ADARB2: variants seen among roughly 807,000 people sequenced by gnomAD.
ADARB2 encodes the protein inactive double-stranded RNA-specific editase B2.
ADARB2 carries 25 observed loss-of-function variants against 62.2 expected under a neutral mutation model. The observed-to-expected ratio is 0.40, with a 90% CI of 0.29 to 0.56. The LOEUF (loss-of-function observed/expected upper bound fraction) is 0.56, where lower values mean the gene tolerates loss of function less well. ADARB2 is among the 20% of genes least tolerant of loss of function. The pLI, the probability that ADARB2 is intolerant of heterozygous loss-of-function variation, is 0.43. For synonymous variants in ADARB2, 572 were observed against 500.8 expected (o/e 1.14, Z -1.90); for missense variants, 1,071 against 1,077.4 (o/e 0.99, Z 0.08).
intron 4 of ADARB2, among the ~76,000 whole-genome samples, chr10:1,257,897 A>G (rs1263249041): frequency 6.6e-6 from 1 of 152,222 alleles, no homozygotes; most frequent in Admixed American, 6.5e-5. Flanking sequence ...CCATGACCCC[A>G]GGTGCACACA....
intron 1 of ADARB2, among the ~76,000 whole-genome samples, chr10:1,716,051 G>A (rs192052904): frequency 1.3e-5 from 2 of 152,106 alleles, no homozygotes; most frequent in Non-Finnish European, 2.9e-5. Flanking sequence ...GTTCCATCAC[G>A]ACTCATGCAC....
At chr10:1,271,986 A>G (rs1428369407) in intron 3 of ADARB2, among the ~76,000 whole-genome samples, 1 of 152,176 alleles carries the variant, frequency 6.6e-6, no homozygotes, top group Non-Finnish European at 1.5e-5. Flanking sequence ...TTTCCACCTT[A>G]TGGTGTTTTC....
chr10:1,637,090 G>T (rs888980048), intron 1 of ADARB2, among the ~76,000 whole-genome samples: 1 of 151,984 alleles, frequency 6.6e-6, no homozygotes, highest in Non-Finnish European at 1.5e-5. Context: ...AGAATTAAAG[G>T]TGTCCGCAAC....
intron 1 of ADARB2, among the ~76,000 whole-genome samples, chr10:1,482,643 A>G (rs533046388): frequency 6.6e-6 from 1 of 152,338 alleles, no homozygotes; most frequent in East Asian, 1.9e-4. Context: ...GGAACTGTAC[A>G]CTAAAAAGTG....
chr10:1,728,933 CA>C (rs1835198796), intron 1 of ADARB2, among the ~76,000 whole-genome samples: 1 of 152,182 alleles, frequency 6.6e-6, no homozygotes, highest in African/African-American at 2.4e-5. Flanking sequence ...GGAGTTTTTT[CA>C]AAAGCTACTG....
intron 4 of ADARB2, among the ~76,000 whole-genome samples, chr10:1,264,600 T>C (rs1437225735): frequency 6.6e-6 from 1 of 152,228 alleles, no homozygotes; most frequent in Non-Finnish European, 1.5e-5. Context: ...TTTCTTTACC[T>C]TATGTGCTCA....
intron 2 of ADARB2, among the ~76,000 whole-genome samples, chr10:1,365,461 A>G (rs1297939009): frequency 6.6e-6 from 1 of 152,144 alleles, no homozygotes; most frequent in African/African-American, 2.4e-5. Flanking sequence ...TGAAAGGAAG[A>G]GTCACTCCTC....
intron 4 of ADARB2, among the ~76,000 whole-genome samples, chr10:1,268,657 C>G (rs1264183002): frequency 6.6e-6 from 1 of 152,156 alleles, no homozygotes; most frequent in Non-Finnish European, 1.5e-5. Flanking sequence ...AAATGAGTAT[C>G]TAAAAATGTT....
chr10:1,557,169 G>A (rs1433066634), intron 1 of ADARB2, among the ~76,000 whole-genome samples: 3 of 151,668 alleles, frequency 2.0e-5, no homozygotes, highest in East Asian at 1.9e-4. Flanking sequence ...ATGTCCAGTC[G>A]ACTGTGCTCC....
intron 3 of ADARB2, among the ~76,000 whole-genome samples, chr10:1,342,918 T>C (rs1187871994): frequency 1.3e-5 from 2 of 152,200 alleles, no homozygotes; most frequent in African/African-American, 4.8e-5. Context: ...ATCTCCAAAT[T>C]GGGGAATGCA....
rs898600985 is a variant in ADARB2, at chr10:1,375,821, A to G, written c.187+3253T>C. Among the ~76,000 whole-genome samples the G allele has an allele frequency of 1.6e-4, 24 of 149,712 alleles. 1 individual carries two copies. The highest frequency in any genetic ancestry group is 4.4e-4 in the African/African-American group (18 of 40,900). ...GCACACACACACCACACACATGCAC[A>G]CACACACGTGCACACACCGCACACA... On this transcript the variant is annotated intron_variant, in intron 2 of 9. Coordinates refer to ENST00000381312, the MANE Select transcript of ADARB2 (RefSeq NM_018702.4).
At chr10:1,601,876 C>G (rs1479837838) in intron 1 of ADARB2, among the ~76,000 whole-genome samples, 1 of 152,180 alleles carries the variant, frequency 6.6e-6, no homozygotes, top group South Asian at 2.1e-4. Context: ...TAAAACAAAG[C>G]AAAAGCAAAA....
chr10:1,324,565 G>A (rs1377442243), intron 3 of ADARB2, among the ~76,000 whole-genome samples: 6 of 152,188 alleles, frequency 3.9e-5, no homozygotes, highest in Non-Finnish European at 5.9e-5. Flanking sequence ...GAAAAGGAAC[G>A]AAATATGAAT....
At chr10:1,612,491 G>A (rs1364992369) in intron 1 of ADARB2, among the ~76,000 whole-genome samples, 1 of 152,212 alleles carries the variant, frequency 6.6e-6, no homozygotes, top group Non-Finnish European at 1.5e-5. Context: ...CAATTGTTCT[G>A]TAGATAGTAC....
intron 1 of ADARB2, among the ~76,000 whole-genome samples, chr10:1,647,643 T>G (rs935762214): frequency 6.6e-6 from 1 of 152,066 alleles, no homozygotes. Flanking sequence ...GATATATATG[T>G]GTGGGGGTAT....
chr10:1,614,776 T>C (rs1371867629), intron 1 of ADARB2, among the ~76,000 whole-genome samples: 1 of 152,080 alleles, frequency 6.6e-6, no homozygotes, highest in East Asian at 1.9e-4. Flanking sequence ...CCGGGTGTGG[T>C]GGCGGGCACC....
At chr10:1,533,665 G>A (rs893112816) in intron 1 of ADARB2, among the ~76,000 whole-genome samples, 2 of 152,172 alleles carry the variant, frequency 1.3e-5, no homozygotes, top group African/African-American at 4.8e-5. Context: ...AATGATTTCT[G>A]AGCATATTTC....
At chr10:1,595,270 C>A (rs547779125) in intron 1 of ADARB2, among the ~76,000 whole-genome samples, 2 of 152,136 alleles carry the variant, frequency 1.3e-5, no homozygotes, top group African/African-American at 2.4e-5. Context: ...TCAAGAAATG[C>A]GCTGAAGAAC....
At chr10:1,258,611 A>C (rs1831102807) in intron 4 of ADARB2, among the ~76,000 whole-genome samples, 1 of 152,252 alleles carries the variant, frequency 6.6e-6, no homozygotes, top group Non-Finnish European at 1.5e-5. Context: ...TATTCTAAAT[A>C]TATATGCATC....
Sources: allele counts gnomAD v4.1 joint callset (sites outside exome capture counted in the v4.1 genomes callset), GRCh38; gene constraint gnomAD v4.1.1; transcripts MANE v1.5; gene names NCBI Gene and HGNC (gene_info 2026-07-23, HGNC 2026-07-21).